The following GABRR3 variants were observed in gnomAD, a reference collection of about 807,000 sequenced individuals.
GABRR3 encodes the protein gamma-aminobutyric acid type A receptor subunit rho3.
A neutral mutation model predicts 43.2 loss-of-function variants in GABRR3; 29 were observed. The ratio of observed to expected loss-of-function variants is 0.67; its 90% CI spans 0.50 to 0.92. GABRR3 has a LOEUF of 0.92. Ranked by LOEUF, GABRR3 falls within the 40% of genes least tolerant of loss-of-function variation. The probability of loss-of-function intolerance (pLI) is 0.00; values close to 1 mark genes in which losing one functional copy is unlikely to be tolerated. For missense variants in GABRR3, 576 were observed against 572.3 expected, an observed-to-expected ratio of 1.01 and a Z score of -0.07; for synonymous variants, 206 against 195.9, an observed-to-expected ratio of 1.05 and a Z score of -0.43.
intron 3 of GABRR3, among the ~76,000 whole-genome samples, chr3:98,024,366 C>CAAAA (rs35090836): frequency 4.1e-3 from 175 of 42,366 alleles, no homozygotes; most frequent in Middle Eastern, 0.012. Flanking sequence ...GACTCCGTCT[C>CAAAA]AAAAAAAAAA....
At chr3:98,032,316 G>C (rs1314457828) in intron 2 of GABRR3, among the ~76,000 whole-genome samples, 1 of 152,112 alleles carries the variant, frequency 6.6e-6, no homozygotes, top group Non-Finnish European at 1.5e-5. Flanking sequence ...GCTTTTAACA[G>C]CCAGCTGATA....
intron 8 of GABRR3, among the ~76,000 whole-genome samples, chr3:97,994,455 C>G (rs887466124): frequency 1.3e-5 from 2 of 152,228 alleles, no homozygotes; most frequent in Admixed American, 6.5e-5. Context: ...CAGCTCTTAA[C>G]ATTGAACACA....
chr3:98,013,685 T>C (rs1188710646), intron 4 of GABRR3, among the ~76,000 whole-genome samples: 1 of 152,236 alleles, frequency 6.6e-6, no homozygotes, highest in African/African-American at 2.4e-5. Flanking sequence ...AGAGCTATAC[T>C]GATTTATGGC....
intron 2 of GABRR3, among the ~76,000 whole-genome samples, chr3:98,031,441 G>A (rs964061129): frequency 4.6e-5 from 7 of 152,142 alleles, no homozygotes; most frequent in African/African-American, 1.7e-4. Flanking sequence ...CGAGGCTCAA[G>A]TTCTCTTATA....
chr3:97,999,165 C>T (rs1706599999), intron 8 of GABRR3: 1 of 152,034 alleles, frequency 6.6e-6, no homozygotes. Flanking sequence ...ATTAAGACAC[C>T]AACAGTATAA....
rs186038993 is a variant in GABRR3, at chr3:98,017,691, A to G, written c.270T>C (p.His90=). The G allele has an allele frequency of 1.1e-5, 18 of 1,611,284 alleles. No homozygotes were observed. The African/African-American group carries it at 1.6e-4, about 14-fold the overall frequency. ...CTGAAATGCTGTCAATGCTTTCAAC[A>G]TGGACATCTATACCTACTGGCACTG... The change falls in exon 4 of 10, where the codon CAT becomes CAC. Residue 90 remains histidine, a synonymous_variant. Transcript: ENST00000621172.
chr3:97,995,104 G>C (rs1706518529), intron 8 of GABRR3, among the ~76,000 whole-genome samples: 1 of 151,854 alleles, frequency 6.6e-6, no homozygotes. Context: ...TCAGCCTCCT[G>C]AGTAGCTGGG....
intron 4 of GABRR3, among the ~76,000 whole-genome samples, chr3:98,016,738 T>G (rs1358927616): frequency 6.6e-6 from 1 of 152,126 alleles, no homozygotes; most frequent in Non-Finnish European, 1.5e-5. Flanking sequence ...AAAACAAATA[T>G]GTAGGTGCTT....
exon 6 of GABRR3, chr3:98,009,005 G>T: frequency 6.2e-7 from 1 of 1,608,158 alleles, no homozygotes; most frequent in Non-Finnish European, 8.5e-7. Context: ...GAAACCTGCT[G>T]AAATCCATAA....
intron 8 of GABRR3, among the ~76,000 whole-genome samples, chr3:97,996,129 A>AAGAC (rs1706550730): frequency 6.6e-6 from 1 of 152,168 alleles, no homozygotes; most frequent in Non-Finnish European, 1.5e-5. Flanking sequence ...AGCAGTAGGG[A>AAGAC]AGACAGGCAC....
intron 7 of GABRR3, among the ~76,000 whole-genome samples, chr3:98,004,824 G>T (rs1271713124): frequency 1.3e-5 from 2 of 151,802 alleles, no homozygotes; most frequent in African/African-American, 4.8e-5. Flanking sequence ...TGTAAGGATA[G>T]GAGTGAAGAA....
chr3:98,016,210 CA>C (rs1025188651), intron 4 of GABRR3, among the ~76,000 whole-genome samples: 18 of 152,228 alleles, frequency 1.2e-4, no homozygotes, highest in African/African-American at 4.1e-4. Context: ...AGAGCCAAAC[CA>C]TATCAGGAGG....
intron 8 of GABRR3, chr3:97,999,331 C>A (rs889951290): frequency 6.6e-6 from 1 of 152,094 alleles, no homozygotes; most frequent in Non-Finnish European, 1.5e-5. Context: ...ACTCTCTTTC[C>A]TTACTATCAT....
intron 8 of GABRR3, among the ~76,000 whole-genome samples, chr3:97,995,077 C>G (rs998916456): frequency 5.3e-5 from 8 of 151,998 alleles, no homozygotes; most frequent in African/African-American, 1.7e-4. Context: ...CTCCTGGGTT[C>G]AAGTGATTCT....
intron 2 of GABRR3, among the ~76,000 whole-genome samples, chr3:98,031,877 G>A (rs1003427501): frequency 2.0e-5 from 3 of 152,092 alleles, no homozygotes; most frequent in Admixed American, 6.6e-5. Context: ...GCTTGCAGTA[G>A]CATTGGATTT....
At chr3:98,012,959 T>C (rs1207903483) in intron 4 of GABRR3, among the ~76,000 whole-genome samples, 1 of 152,232 alleles carries the variant, frequency 6.6e-6, no homozygotes, top group Non-Finnish European at 1.5e-5. Flanking sequence ...CTAAATCACT[T>C]TTAAAACTGA....
At chr3:97,987,835 G>C (rs1706407605) in intron 9 of GABRR3, among the ~76,000 whole-genome samples, 1 of 150,506 alleles carries the variant, frequency 6.6e-6, no homozygotes, top group Non-Finnish European at 1.5e-5. Flanking sequence ...GGAGGGCAGT[G>C]GTGTGATTAT....
chr3:97,998,424 T>A (rs984490940), intron 8 of GABRR3: 5 of 152,120 alleles, frequency 3.3e-5, no homozygotes, highest in African/African-American at 4.8e-5. Context: ...CAGTGAAAAG[T>A]CTATTCAAAG....
At chr3:98,009,527 A>G (rs1706761829) in intron 5 of GABRR3, among the ~76,000 whole-genome samples, 2 of 152,352 alleles carry the variant, frequency 1.3e-5, no homozygotes, top group South Asian at 4.1e-4. Flanking sequence ...AGCCTGGAGC[A>G]TTCTTAGTTA....
Sources: allele counts gnomAD v4.1 joint callset (sites outside exome capture counted in the v4.1 genomes callset), GRCh38; gene constraint gnomAD v4.1.1; transcripts MANE v1.5; gene names NCBI Gene and HGNC (gene_info 2026-07-23, HGNC 2026-07-21).